FANCC: variants seen among roughly 807,000 people sequenced by gnomAD.
FANCC encodes FA complementation group C.
A neutral mutation model predicts 71.3 loss-of-function variants in FANCC; 55 were observed. The observed-to-expected ratio is 0.77, with a 90% confidence interval of 0.62 to 0.97. The LOEUF is 0.97. FANCC is among the 50% of genes least tolerant of loss of function. The probability of loss-of-function intolerance (pLI) is 0.00; values close to 1 mark genes in which losing one functional copy is unlikely to be tolerated. For synonymous variants in FANCC, 275 were observed against 244.9 expected (o/e 1.12, Z -1.15); for missense variants, 678 against 670.9 (o/e 1.01, Z -0.12).
At chr9:95,113,466 T>C (rs2072124741) in intron 12 of FANCC, among the ~76,000 whole-genome samples, 1 of 151,788 alleles carries the variant, frequency 6.6e-6, no homozygotes, top group Non-Finnish European at 1.5e-5. Context: ...TTCAAGAAAA[T>C]CACACACATA....
At chr9:95,258,602 T>A (rs1831818195) in intron 1 of FANCC, among the ~76,000 whole-genome samples, 1 of 152,152 alleles carries the variant, frequency 6.6e-6, no homozygotes, top group Non-Finnish European at 1.5e-5. Flanking sequence ...GGGCAAAAAC[T>A]GGAAGCATTT....
At chr9:95,293,616 C>A in intron 1 of FANCC, 1 of 1,614,210 alleles carries the variant, frequency 6.2e-7, no homozygotes, top group East Asian at 2.2e-5. Context: ...AAACTTTATA[C>A]CTTCTGCACA....
At chr9:95,270,462 ACT>A (rs1459907964) in intron 1 of FANCC, among the ~76,000 whole-genome samples, 1 of 152,198 alleles carries the variant, frequency 6.6e-6, no homozygotes. Context: ...ATGTGTCTAT[ACT>A]CTGTTTCAAT....
intron 12 of FANCC, among the ~76,000 whole-genome samples, chr9:95,112,822 G>C (rs1455441224): frequency 6.6e-6 from 1 of 152,218 alleles, no homozygotes; most frequent in African/African-American, 2.4e-5. Flanking sequence ...TCCAAGGTCT[G>C]GATTGAAGTG....
intron 10 of FANCC, chr9:95,123,418 T>A (rs1027718744): frequency 1.5e-5 from 7 of 455,022 alleles, no homozygotes; most frequent in African/African-American, 1.2e-4. Context: ...GGTGGGAAGA[T>A]TGCTTGAGCC....
chr9:95,219,369 T>C (rs1401838958), intron 4 of FANCC, among the ~76,000 whole-genome samples: 1 of 152,170 alleles, frequency 6.6e-6, no homozygotes, highest in South Asian at 2.1e-4. Context: ...AAGATGTATA[T>C]GCCAAAAAAG....
chr9:95,309,999 A>G (rs1835292517), intron 1 of FANCC, among the ~76,000 whole-genome samples: 1 of 152,180 alleles, frequency 6.6e-6, no homozygotes, highest in African/African-American at 2.4e-5. Flanking sequence ...TGAACTGGGA[A>G]ATGTGAGGGA....
At chr9:95,135,600 AGAC>A in intron 7 of FANCC, 98 bp from the exon 8 acceptor site, 2 of 995,576 alleles carry the variant, frequency 2.0e-6, no homozygotes, top group Non-Finnish European at 3.1e-6. Context: ...CCAATTTGTG[AGAC>A]TTCTCATCAT....
chr9:95,303,969 A>C (rs1421229218), intron 1 of FANCC, among the ~76,000 whole-genome samples: 1 of 147,162 alleles, frequency 6.8e-6, no homozygotes, highest in African/African-American at 2.5e-5. Flanking sequence ...CAAGTGCCCA[A>C]GAAAATGGAT....
chr9:95,228,078 A>G (rs1300490540), intron 4 of FANCC, among the ~76,000 whole-genome samples: 1 of 152,118 alleles, frequency 6.6e-6, no homozygotes, highest in Non-Finnish European at 1.5e-5. Context: ...GGTAAAATGC[A>G]ATAAAATCAC....
chr9:95,128,673 C>T (rs920735169), intron 8 of FANCC, among the ~76,000 whole-genome samples: 3 of 152,194 alleles, frequency 2.0e-5, no homozygotes, highest in African/African-American at 7.2e-5. Flanking sequence ...TGTTTTCTAG[C>T]AAAATCGCTC....
chr9:95,252,231 C>T (rs559901743), intron 1 of FANCC, among the ~76,000 whole-genome samples: 6 of 135,274 alleles, frequency 4.4e-5, no homozygotes, highest in Admixed American at 4.1e-4. Flanking sequence ...GAGCCGAGAC[C>T]GCACCATTGC....
chr9:95,138,085 G>A lies in FANCC; in HGVS notation c.687-2583C>T, dbSNP rs1412870970. On this transcript the variant is annotated intron_variant, in intron 7 of 14. Transcript: ENST00000289081. ...GCAGTGGCTGGAATGATGCTGTTTC[G>A]CTTGCACTTGAATCCTCATTAACAG... Among the ~76,000 whole-genome samples, 5 of 152,258 alleles carry A rather than the reference G, an allele frequency of 3.3e-5. No individual in the cohort carries two copies. The East Asian group carries it at 7.7e-4, about 23-fold the overall frequency.
intron 4 of FANCC, among the ~76,000 whole-genome samples, chr9:95,211,131 G>A (rs1828469490): frequency 6.6e-6 from 1 of 152,148 alleles, no homozygotes; most frequent in African/African-American, 2.4e-5. Context: ...TTGACAACAG[G>A]CAGCACCAGA....
chr9:95,121,971 C>A (rs2134816600), intron 10 of FANCC, among the ~76,000 whole-genome samples: 1 of 151,920 alleles, frequency 6.6e-6, no homozygotes, highest in South Asian at 2.1e-4. Flanking sequence ...CATTATCCTG[C>A]CTCAGCCTCC....
At chr9:95,159,197 A>T (rs1032648423) in intron 6 of FANCC, among the ~76,000 whole-genome samples, 1 of 152,036 alleles carries the variant, frequency 6.6e-6, no homozygotes, top group Non-Finnish European at 1.5e-5. Context: ...CCCACTCCAC[A>T]ACAAGCCCCA....
chr9:95,260,870 C>T (rs886213328), intron 1 of FANCC, among the ~76,000 whole-genome samples: 3 of 152,020 alleles, frequency 2.0e-5, no homozygotes, highest in Admixed American at 6.5e-5. Context: ...GTTTTTTTAA[C>T]TGAGTTCTCT....
At chr9:95,248,315 C>A (rs1291586119) in intron 2 of FANCC, among the ~76,000 whole-genome samples, 2 of 152,226 alleles carry the variant, frequency 1.3e-5, no homozygotes, top group Non-Finnish European at 2.9e-5. Context: ...CAAGCCTGGT[C>A]CTACACTTTT....
intron 3 of FANCC, among the ~76,000 whole-genome samples, chr9:95,241,955 T>A (rs1177493023): frequency 7.2e-5 from 11 of 152,206 alleles, no homozygotes; most frequent in Non-Finnish European, 1.5e-5. Context: ...CCACCGTGCC[T>A]GGCCAAAACC....
Sources: gnomAD v4.1 joint callset for allele counts (sites outside exome capture counted in the v4.1 genomes callset) on GRCh38, gnomAD v4.1.1 for gene constraint, MANE v1.5 for transcripts, NCBI Gene and HGNC (gene_info 2026-07-23, HGNC 2026-07-21) for gene names.